MCPH1: variants seen among roughly 807,000 people sequenced by gnomAD.
MCPH1 encodes the protein microcephalin 1, also known as microcephalin.
In MCPH1, 104 loss-of-function variants were observed where a neutral mutation model predicts 84.5. That is an observed-to-expected ratio of 1.23 (90% CI 1.05 to 1.45). The LOEUF is 1.45. Among genes scored for constraint, MCPH1 ranks in the 40% most tolerant of loss-of-function variants. MCPH1 has a pLI of 0.00. For missense variants in MCPH1, 1,498 were observed against 1,005.7 expected (o/e 1.49, Z -6.62); for synonymous variants, 514 against 366.8 (o/e 1.40, Z -4.58).
rs186136373 is a variant in MCPH1, at chr8:6,621,513, C to T, written c.2274C>T (p.Asp758=). ...AGPYRGTLFA[D]QPAMFVSPAS... ...CGTACCGCGGAACCCTCTTTGCCGACCAGCCAGCGATGTTTGTCTCGCCTG... is the reference window on the plus strand; with the variant it reads ...CGTACCGCGGAACCCTCTTTGCCGATCAGCCAGCGATGTTTGTCTCGCCTG... Residue 758 remains aspartate, a synonymous_variant, in exon 13 of 14, where the codon GAC becomes GAT. Transcript: ENST00000344683. 177 of 1,614,196 alleles carry T rather than the reference C, an allele frequency of 1.1e-4. 1 individual carries two copies. In the Admixed American group the frequency reaches 1.9e-3, roughly 17 times the overall value.
chr8:6,604,641 A>T (rs944310176), intron 12 of MCPH1, among the ~76,000 whole-genome samples: 9 of 152,242 alleles, frequency 5.9e-5, no homozygotes, highest in Admixed American at 2.6e-4. Context: ...AGTAGCTAGG[A>T]CTATACGTGC....
At chr8:6,598,453 G>A (rs1829093189) in intron 12 of MCPH1, among the ~76,000 whole-genome samples, 2 of 152,168 alleles carry the variant, frequency 1.3e-5, no homozygotes, top group Non-Finnish European at 2.9e-5. Context: ...AGAAGGGGAT[G>A]GGGTGGGGGG....
intron 11 of MCPH1, among the ~76,000 whole-genome samples, chr8:6,489,304 G>C (rs1229002521): frequency 6.6e-6 from 1 of 151,952 alleles, no homozygotes; most frequent in Non-Finnish European, 1.5e-5. Context: ...CTATGCAGAA[G>C]TCAGGGGGAA....
intron 3 of MCPH1, among the ~76,000 whole-genome samples, chr8:6,429,011 G>A (rs550016829): frequency 1.2e-4 from 19 of 152,196 alleles, no homozygotes; most frequent in South Asian, 4.1e-4. Flanking sequence ...TTTTTAATCC[G>A]CCCCTCTGAG....
At chr8:6,484,368 GGC>G (rs1809598698) in intron 11 of MCPH1, among the ~76,000 whole-genome samples, 1 of 148,858 alleles carries the variant, frequency 6.7e-6, no homozygotes, top group East Asian at 2.0e-4. Flanking sequence ...CCATTAGAAT[GGC>G]TAAAAGAAAA....
At chr8:6,630,544 G>A (rs1051839949) in intron 13 of MCPH1, among the ~76,000 whole-genome samples, 1 of 152,154 alleles carries the variant, frequency 6.6e-6, no homozygotes, top group Non-Finnish European at 1.5e-5. Context: ...CACTTTGGGA[G>A]GCTGAAGTGG....
chr8:6,537,824 C>T (rs1390850383), intron 12 of MCPH1, among the ~76,000 whole-genome samples: 1 of 151,918 alleles, frequency 6.6e-6, no homozygotes, highest in Non-Finnish European at 1.5e-5. Flanking sequence ...GAAAACTATC[C>T]CCAACTTGGA....
chr8:6,556,140 G>C (rs1248682576), intron 12 of MCPH1, among the ~76,000 whole-genome samples: 1 of 151,962 alleles, frequency 6.6e-6, no homozygotes, highest in African/African-American at 2.4e-5. Flanking sequence ...AACTTCTCAG[G>C]CTCACTTTTT....
intron 7 of MCPH1, among the ~76,000 whole-genome samples, chr8:6,442,986 C>G (rs1254573835): frequency 6.6e-6 from 1 of 152,226 alleles, no homozygotes; most frequent in Non-Finnish European, 1.5e-5. Context: ...TTATTTTACA[C>G]TTGTTACATT....
intron 9 of MCPH1, among the ~76,000 whole-genome samples, chr8:6,465,882 T>C (rs938396791): frequency 4.6e-5 from 7 of 152,000 alleles, no homozygotes; most frequent in African/African-American, 1.5e-4. Context: ...TTTATGTCTG[T>C]TCTCTTGAGG....
chr8:6,615,048 C>T (rs1189621065), intron 12 of MCPH1, among the ~76,000 whole-genome samples: 1 of 152,222 alleles, frequency 6.6e-6, no homozygotes, highest in Non-Finnish European at 1.5e-5. Context: ...ACTGCGTAAG[C>T]ACGAACGGTC....
In MCPH1 at chr8:6,445,317, C is replaced by A. The variant is rs1330570792; in HGVS notation, c.1595C>A (p.Pro532His). The part of the protein sequence containing the change: ...GNGFSYTIED[P>H]ALPKGHDDDL... The stretch of plus-strand genomic sequence containing the variant: ...GGCTTTTCTTACACCATTGAGGACC[C>A]TGCTCTTCCAAAAGGACATGATGAT... Residue 532 changes from proline (P) to histidine (H), a missense_variant, in exon 8 of 14, where the codon CCT becomes CAT. By Grantham distance (77) the Pro-to-His change is moderately conservative. Coordinates refer to ENST00000344683, the MANE Select transcript of MCPH1 (RefSeq NM_024596.5). 3.7e-6 allele frequency: 6 copies of A among 1,614,234 alleles called. No homozygotes were observed. The highest frequency in any genetic ancestry group is 3.4e-6 in the Non-Finnish European group (4 of 1,180,038).
intron 11 of MCPH1, among the ~76,000 whole-genome samples, chr8:6,485,103 G>T (rs547384247): frequency 6.6e-6 from 1 of 152,254 alleles, no homozygotes; most frequent in South Asian, 2.1e-4. Context: ...GAGGCGTGTG[G>T]ATCACGAGGT....
chr8:6,515,087 T>G (rs796430493), intron 12 of MCPH1, among the ~76,000 whole-genome samples: 2 of 152,144 alleles, frequency 1.3e-5, no homozygotes. Context: ...CAGAGATTGC[T>G]GTTTTTTTAG....
chr8:6,623,013 C>CTT (rs1164226735), intron 13 of MCPH1, among the ~76,000 whole-genome samples: 3,058 of 109,884 alleles, frequency 0.028, 187 homozygotes, highest in African/African-American at 0.088. Context: ...GCTTTACTTT[C>CTT]TTTTTTTTTT....
chr8:6,625,583 A>C (rs1831987390), intron 13 of MCPH1: 1 of 985,092 alleles, frequency 1.0e-6, no homozygotes, highest in African/African-American at 1.7e-5. Flanking sequence ...AAATCAATTA[A>C]ATTTATTCAA....
intron 9 of MCPH1, chr8:6,477,331 A>G (rs1032457567): frequency 1.1e-5 from 5 of 445,506 alleles, no homozygotes; most frequent in Admixed American, 7.9e-5. Context: ...CTGGTGGAAC[A>G]GATTCCTGGG....
rs939231688 is a variant in MCPH1, at chr8:6,514,568, T to C, written c.2214+14639T>C. 5.3e-6 allele frequency: 5 copies of C among 951,946 alleles called. No individual in the cohort carries two copies. The Admixed American group carries it at 5.7e-5, about 11-fold the overall frequency. The allele number at this position is 951,946 out of a possible 1,614,324, so 59.0% of individuals were successfully genotyped here. On this transcript the variant is annotated intron_variant, in intron 12 of 13. Coordinates refer to ENST00000344683, the MANE Select transcript of MCPH1 (RefSeq NM_024596.5). ...ACTGAAGCACCAATTTTAAAAACCA[T>C]GTCAAAAGTCATTGGTTAGTTTGGG...
intron 12 of MCPH1, chr8:6,521,115 CT>C: frequency 1.4e-6 from 2 of 1,381,912 alleles, no homozygotes; most frequent in Admixed American, 2.1e-5. Flanking sequence ...ATTTTTTAGT[CT>C]TTTGAGTGTT....
Sources: allele counts gnomAD v4.1 joint callset (sites outside exome capture counted in the v4.1 genomes callset), GRCh38; gene constraint gnomAD v4.1.1; transcripts MANE v1.5; gene names NCBI Gene and HGNC (gene_info 2026-07-23, HGNC 2026-07-21).